The following NPM1 variants were observed in gnomAD, a reference collection of about 807,000 sequenced individuals.
The protein encoded by NPM1 is nucleophosmin 1.
In NPM1, 1 loss-of-function variant was observed where a neutral mutation model predicts 44.1. That is an observed-to-expected ratio of 0.02 (90% confidence interval 0.01 to 0.11). NPM1 has a LOEUF of 0.11. Ranked by LOEUF, NPM1 falls within the 10% of genes least tolerant of loss-of-function variation. The pLI, the probability that NPM1 is intolerant of heterozygous loss-of-function variation, is 1.00. For missense variants in NPM1, 197 were observed against 347.8 expected (o/e 0.57, Z 3.45); for synonymous variants, 126 against 111.8 (o/e 1.13, Z -0.80).
intron 6 of NPM1, among the ~76,000 whole-genome samples, chr5:171,393,833 C>T (rs1440736992): frequency 6.6e-6 from 1 of 152,138 alleles, no homozygotes; most frequent in Non-Finnish European, 1.5e-5. Flanking sequence ...GAGCCGAAAG[C>T]TTAAAAATTC....
rs748272368 is a variant in NPM1, at chr5:171,391,293, T to G, written c.139-12T>G. The G allele has an allele frequency of 5.0e-6, 8 of 1,603,638 alleles. No individual in the cohort carries two copies. The highest frequency in any genetic ancestry group is 6.8e-6 in the Non-Finnish European group (8 of 1,176,096). ...CTCAAAAGTTGAAGTAGTATTTTTT[T>G]TTTGTTCACAGGTCAGTTTAGGGGC... On this transcript the variant is annotated splice_polypyrimidine_tract_variant and intron_variant, in intron 2 of 10. Coordinates refer to ENST00000296930, the MANE Select transcript of NPM1 (RefSeq NM_002520.7).
chr5:171,388,120 C>A, intron 1 of NPM1, 114 bp downstream of exon 1: 1 of 953,354 alleles, frequency 1.0e-6, no homozygotes. Context: ...GCCAGACCGA[C>A]GGGAGGCCTG....
At chr5:171,392,396 T>C (rs539459179) in intron 4 of NPM1, among the ~76,000 whole-genome samples, 1 of 152,230 alleles carries the variant, frequency 6.6e-6, no homozygotes, top group Non-Finnish European at 1.5e-5. Context: ...TAATTTTTTT[T>C]GTATATGTGC....
intron 6 of NPM1, among the ~76,000 whole-genome samples, chr5:171,395,170 A>AC (rs1488650323): frequency 6.6e-6 from 1 of 152,078 alleles, no homozygotes; most frequent in African/African-American, 2.4e-5. Flanking sequence ...ACAGAGGGAG[A>AC]CTCCCATCTC....
chr5:171,407,626 T>C lies in NPM1; in HGVS notation c.772-74T>C, dbSNP rs1161629886. The stretch of plus-strand genomic sequence containing the variant: ...GATCCATGTAGTAGCATGCAGATTA[T>C]TGAGGAATTTTCTAAAGGTATCTCT... On this transcript the variant is annotated intron_variant, in intron 9 of 10. Transcript: ENST00000296930. 2.0e-5 allele frequency: 17 copies of C among 848,068 alleles called. No individual in the cohort carries two copies. The Middle Eastern group carries it at 7.6e-4, about 38-fold the overall frequency. 52.5% of individuals were successfully genotyped at this position (848,068 alleles called of 1,614,324 possible).
intron 8 of NPM1, among the ~76,000 whole-genome samples, chr5:171,404,743 G>C (rs1418373094): frequency 3.4e-5 from 5 of 147,032 alleles, no homozygotes; most frequent in Non-Finnish European, 6.0e-5. Context: ...TGGCGGCCGG[G>C]CAGAGGCTGC....
intron 8 of NPM1, among the ~76,000 whole-genome samples, chr5:171,401,679 T>C (rs1389762341): frequency 2.0e-5 from 3 of 152,196 alleles, no homozygotes; most frequent in East Asian, 3.9e-4. Flanking sequence ...TGACTGCAGG[T>C]GATCCGCCCT....
intron 10 of NPM1, among the ~76,000 whole-genome samples, 165 bp downstream of exon 10, chr5:171,407,939 A>G (rs902683135): frequency 6.6e-6 from 1 of 152,234 alleles, no homozygotes; most frequent in Admixed American, 6.5e-5. Context: ...AATGAAATGC[A>G]TGAAGAATAC....
At chr5:171,393,504 A>AT (rs1770704958) in intron 6 of NPM1, among the ~76,000 whole-genome samples, 1 of 152,244 alleles carries the variant, frequency 6.6e-6, no homozygotes, top group African/African-American at 2.4e-5. Flanking sequence ...GTTGGAAACA[A>AT]TATTTGATGA....
Position 171,397,641 on chromosome 5 carries a change from TTTC to T in NPM1, c.525-2509_525-2507del, listed in dbSNP as rs535039368. ...CTTTACTAAGTTGTAAGAATTCTTT[TTTC>T]TTTTTTCTTTTTGATATGATTTTTG... On this transcript the variant is annotated intron_variant, in intron 6 of 10. Transcript: ENST00000296930. 9.0e-5 allele frequency among the ~76,000 whole-genome samples: 13 copies of T among 143,694 alleles called. No homozygotes were observed. The South Asian group carries it at 1.3e-3, about 15-fold the overall frequency. The allele number at this position is 143,694 out of a possible 152,430, so 94.3% of individuals were successfully genotyped here.
At chr5:171,393,063 A>G in intron 6 of NPM1, 85 bp downstream of exon 6, 1 of 1,495,736 alleles carries the variant, frequency 6.7e-7, no homozygotes, top group Non-Finnish European at 9.0e-7. Flanking sequence ...TGAGGGTTTT[A>G]TAAAAGTCAT....
At chr5:171,406,683 C>A in intron 9 of NPM1, 1 of 1,277,910 alleles carries the variant, frequency 7.8e-7, no homozygotes, top group Non-Finnish European at 9.9e-7. Flanking sequence ...TTTTAAATCG[C>A]CTTTGTATCT....
intron 3 of NPM1, 81 bp downstream of exon 3, chr5:171,391,505 C>A: frequency 6.5e-7 from 1 of 1,544,284 alleles, no homozygotes; most frequent in Non-Finnish European, 8.8e-7. Context: ...TTAGTTGTGC[C>A]AAGGAGATAG....
upstream of NPM1, among the ~76,000 whole-genome samples, chr5:171,387,450 C>A (rs945433046): frequency 6.6e-6 from 1 of 152,140 alleles, no homozygotes; most frequent in Non-Finnish European, 1.5e-5. Context: ...CATTCGCAGC[C>A]GGCTAACCCG....
intron 2 of NPM1, 200 bp from the exon 3 acceptor site, chr5:171,391,105 A>C (rs1178251524): frequency 1.8e-6 from 1 of 561,662 alleles, no homozygotes; most frequent in Non-Finnish European, 3.1e-6. Flanking sequence ...TTTGTAGCCT[A>C]GGTGTGTGTA....
At chr5:171,393,990 T>C (rs1008259353) in intron 6 of NPM1, among the ~76,000 whole-genome samples, 8 of 150,924 alleles carry the variant, frequency 5.3e-5, no homozygotes, top group Non-Finnish European at 1.2e-4. Flanking sequence ...GTCAAACTTA[T>C]AAATGAACGC....
chr5:171,390,623 TCA>T (rs541023611), intron 2 of NPM1, among the ~76,000 whole-genome samples: 86 of 152,310 alleles, frequency 5.6e-4, no homozygotes, highest in Non-Finnish European at 9.3e-4. Flanking sequence ...TTTAAAAAAA[TCA>T]CAGTCATGTG....
intron 1 of NPM1, among the ~76,000 whole-genome samples, chr5:171,389,209 T>G (rs149693805): frequency 1.4e-3 from 216 of 152,348 alleles, no homozygotes; most frequent in African/African-American, 5.0e-3. Context: ...TTGAAGTAAA[T>G]GCAAATCCTA....
At chr5:171,391,043 A>G in intron 2 of NPM1, 1 of 302,710 alleles carries the variant, frequency 3.3e-6, no homozygotes, top group South Asian at 7.7e-5. Context: ...TTAGATGCAC[A>G]AATACTGTGT....
Sources: allele counts gnomAD v4.1 joint callset (sites outside exome capture counted in the v4.1 genomes callset), GRCh38; gene constraint gnomAD v4.1.1; transcripts MANE v1.5; gene names NCBI Gene and HGNC (gene_info 2026-07-23, HGNC 2026-07-21).